LRFN5: variants seen among roughly 807,000 people sequenced by gnomAD.
LRFN5 encodes leucine-rich repeat and fibronectin type-III domain-containing protein 5.
Under a neutral mutation model 45.6 loss-of-function variants are expected in LRFN5, and 24 were observed. The ratio of observed to expected loss-of-function variants is 0.53; its 90% CI spans 0.38 to 0.74. LRFN5 has a LOEUF of 0.74. Ranked by LOEUF, LRFN5 falls within the 30% of genes least tolerant of loss-of-function variation. The pLI is 0.00. For synonymous variants in LRFN5, 340 were observed against 313.8 expected (o/e 1.08, Z -0.88); for missense variants, 776 against 861.5 (o/e 0.90, Z 1.24).
At chr14:41,701,781 T>G (rs1279003387) in intron 1 of LRFN5, among the ~76,000 whole-genome samples, 1 of 152,126 alleles carries the variant, frequency 6.6e-6, no homozygotes, top group Admixed American at 6.6e-5. Context: ...ATCATGAATA[T>G]CAAAGGGAAA....
At chr14:41,851,094 A>G (rs1420691907) in intron 2 of LRFN5, among the ~76,000 whole-genome samples, 2 of 151,746 alleles carry the variant, frequency 1.3e-5, no homozygotes, top group Non-Finnish European at 3.0e-5. Flanking sequence ...AATAGATAAC[A>G]GTTTCATTGG....
intron 2 of LRFN5, among the ~76,000 whole-genome samples, chr14:41,801,213 A>G (rs1887318883): frequency 6.6e-6 from 1 of 151,862 alleles, no homozygotes; most frequent in Non-Finnish European, 1.5e-5. Flanking sequence ...ATATTCAACC[A>G]CTCCATATCT....
intron 2 of LRFN5, among the ~76,000 whole-genome samples, chr14:41,878,370 A>G (rs935759651): frequency 4.6e-5 from 7 of 152,134 alleles, no homozygotes; most frequent in Admixed American, 2.0e-4. Flanking sequence ...AACTCAACAT[A>G]TAAATTGCTA....
intron 2 of LRFN5, among the ~76,000 whole-genome samples, chr14:41,870,886 G>GT (rs1889996760): frequency 6.6e-6 from 1 of 151,962 alleles, no homozygotes; most frequent in Non-Finnish European, 1.5e-5. Context: ...TGTAGCACAT[G>GT]TTTTATTATT....
intron 2 of LRFN5, among the ~76,000 whole-genome samples, chr14:41,865,328 C>A (rs947367329): frequency 2.0e-5 from 3 of 152,056 alleles, no homozygotes; most frequent in African/African-American, 7.2e-5. Context: ...GTATTATATG[C>A]AGTATTTTTT....
chr14:41,724,803 T>C (rs1051178742), intron 1 of LRFN5, among the ~76,000 whole-genome samples: 2 of 152,200 alleles, frequency 1.3e-5, no homozygotes, highest in African/African-American at 2.4e-5. Flanking sequence ...ATCATGTCAG[T>C]TCTTCATTCA....
chr14:41,699,097 A>G (rs1301876122), intron 1 of LRFN5, among the ~76,000 whole-genome samples: 1 of 151,996 alleles, frequency 6.6e-6, no homozygotes, highest in Non-Finnish European at 1.5e-5. Context: ...ATTTTTTTTC[A>G]TTTTTACCAC....
At chr14:41,678,977 T>C (rs1881762158) in intron 1 of LRFN5, among the ~76,000 whole-genome samples, 1 of 152,126 alleles carries the variant, frequency 6.6e-6, no homozygotes, top group Admixed American at 6.5e-5. Context: ...GACTTTGCAT[T>C]GGAACTCAGT....
chr14:41,672,771 A>G (rs1025155739), intron 1 of LRFN5, among the ~76,000 whole-genome samples: 5 of 152,196 alleles, frequency 3.3e-5, no homozygotes, highest in Admixed American at 6.5e-5. Context: ...CTCTGAAACT[A>G]TCTATAGACT....
At chr14:41,755,996 A>G (rs1885360427) in intron 1 of LRFN5, among the ~76,000 whole-genome samples, 1 of 152,128 alleles carries the variant, frequency 6.6e-6, no homozygotes, top group Non-Finnish European at 1.5e-5. Context: ...GCTTGTCTGT[A>G]AAGTATTTTA....
intron 1 of LRFN5, among the ~76,000 whole-genome samples, chr14:41,717,740 T>A (rs1014076168): frequency 6.6e-6 from 1 of 152,190 alleles, no homozygotes; most frequent in Non-Finnish European, 1.5e-5. Flanking sequence ...TTACATACTG[T>A]ATAACTCTAG....
intron 2 of LRFN5, among the ~76,000 whole-genome samples, chr14:41,848,777 C>T (rs945429771): frequency 6.6e-6 from 1 of 151,948 alleles, no homozygotes; most frequent in Admixed American, 6.6e-5. Context: ...CCCCATGGAG[C>T]CCCTCAACCA....
chr14:41,633,017 A>C (rs566538537), intron 1 of LRFN5, among the ~76,000 whole-genome samples: 5 of 152,274 alleles, frequency 3.3e-5, no homozygotes, highest in East Asian at 1.9e-4. Context: ...CCAATTCTAT[A>C]ACCTTGGACA....
chr14:41,738,853 A>G (rs1884563103), intron 1 of LRFN5, among the ~76,000 whole-genome samples: 1 of 152,150 alleles, frequency 6.6e-6, no homozygotes, highest in African/African-American at 2.4e-5. Flanking sequence ...TGTGTTTCTA[A>G]CTTCTTACCC....
intron 1 of LRFN5, among the ~76,000 whole-genome samples, chr14:41,749,076 T>C (rs1048188016): frequency 3.9e-5 from 6 of 152,116 alleles, no homozygotes; most frequent in Non-Finnish European, 7.4e-5. Context: ...CTCACTGTTA[T>C]GATAACTTGG....
intron 1 of LRFN5, among the ~76,000 whole-genome samples, chr14:41,665,549 A>G (rs979735997): frequency 5.3e-5 from 8 of 151,888 alleles, no homozygotes; most frequent in African/African-American, 2.4e-5. Flanking sequence ...TAATTATCAT[A>G]GTTACAGCAA....
chr14:41,818,109 T>G (rs952851287), intron 2 of LRFN5, among the ~76,000 whole-genome samples: 1 of 152,158 alleles, frequency 6.6e-6, no homozygotes, highest in Non-Finnish European at 1.5e-5. Flanking sequence ...CTTATATACT[T>G]ATTTTCTATT....
At chr14:41,632,886 A>G (rs1360884722) in intron 1 of LRFN5, among the ~76,000 whole-genome samples, 1 of 152,212 alleles carries the variant, frequency 6.6e-6, no homozygotes, top group Non-Finnish European at 1.5e-5. Flanking sequence ...GAATAAGGAT[A>G]TTGCCTTAAT....
At chr14:41,868,205 ACTTTT>A (rs1272808452) in intron 2 of LRFN5, among the ~76,000 whole-genome samples, 2 of 152,112 alleles carry the variant, frequency 1.3e-5, no homozygotes, top group Non-Finnish European at 2.9e-5. Flanking sequence ...ATAAAAATTA[ACTTTT>A]CTTTACTTTT....
Sources: allele counts gnomAD v4.1 joint callset (sites outside exome capture counted in the v4.1 genomes callset), GRCh38; gene constraint gnomAD v4.1.1; transcripts MANE v1.5; gene names NCBI Gene and HGNC (gene_info 2026-07-23, HGNC 2026-07-21).